Variants in ASIC2 observed in about 807,000 individuals in gnomAD.
The protein encoded by ASIC2 is acid sensing ion channel subunit 2.
ASIC2 carries 25 observed loss-of-function variants against 57.3 expected under a neutral mutation model. The observed-to-expected ratio is 0.44, with a 90% CI of 0.32 to 0.61. The LOEUF (loss-of-function observed/expected upper bound fraction) is 0.61. ASIC2 is among the 20% of genes least tolerant of loss of function. The probability of loss-of-function intolerance (pLI) is 0.06; values close to 1 mark genes in which losing one functional copy is unlikely to be tolerated. For synonymous variants in ASIC2, 319 were observed against 307.5 expected (o/e 1.04, Z -0.39); for missense variants, 641 against 738.1 (o/e 0.87, Z 1.52).
At chr17:33,025,887 C>G (rs182391781) in intron 5 of ASIC2, 39 bp downstream of exon 5, 7 of 1,556,382 alleles carry the variant, frequency 4.5e-6, no homozygotes, top group Middle Eastern at 1.7e-4. Context: ...GTCTCAGGCC[C>G]CCGGCCCCCA....
rs567906997 is a variant in ASIC2 at position 33,911,906 on chromosome 17, C to T, written c.555+244072G>A. ...CTGTAATCCCAGCAGTTTGGGAGGCCGAGGTGGGCAGATCACCTGAGGTCG... is the reference window on the plus strand; with the variant it reads ...CTGTAATCCCAGCAGTTTGGGAGGCTGAGGTGGGCAGATCACCTGAGGTCG... On this transcript the variant is annotated intron_variant, in intron 1 of 9. Transcript: ENST00000359872. Among the ~76,000 whole-genome samples the T allele has an allele frequency of 1.1e-4, 17 of 152,028 alleles. No homozygotes were observed. The East Asian group carries it at 2.5e-3, about 22-fold the overall frequency.
At chr17:33,942,171 G>A (rs975973749) in intron 1 of ASIC2, among the ~76,000 whole-genome samples, 3 of 152,134 alleles carry the variant, frequency 2.0e-5, no homozygotes, top group South Asian at 2.1e-4. Context: ...CCAAAGTTGC[G>A]AGGAGTAACT....
intron 1 of ASIC2, among the ~76,000 whole-genome samples, chr17:33,193,384 G>T (rs1906501916): frequency 6.6e-6 from 1 of 152,180 alleles, no homozygotes; most frequent in Non-Finnish European, 1.5e-5. Flanking sequence ...CTGCCATCAG[G>T]CTGCCTGGGT....
chr17:33,777,225 C>T (rs1033806744), intron 1 of ASIC2, among the ~76,000 whole-genome samples: 2 of 152,218 alleles, frequency 1.3e-5, no homozygotes, highest in African/African-American at 4.8e-5. Context: ...CACTTCTGCC[C>T]CTCTGGGCTT....
intron 1 of ASIC2, among the ~76,000 whole-genome samples, chr17:33,403,544 G>A (rs1392212168): frequency 6.6e-6 from 1 of 152,170 alleles, no homozygotes; most frequent in East Asian, 1.9e-4. Context: ...ATTAAAATGT[G>A]TTTAAAAGTA....
chr17:33,750,785 C>T (rs1303154187), intron 1 of ASIC2, among the ~76,000 whole-genome samples: 2 of 152,066 alleles, frequency 1.3e-5, no homozygotes, highest in Non-Finnish European at 2.9e-5. Context: ...GAGAAAGCTT[C>T]CTGTATGTTT....
At chr17:33,681,369 C>A (rs1109601) in intron 1 of ASIC2, among the ~76,000 whole-genome samples, 13,610 of 152,208 alleles carry the variant, frequency 0.089, 829 homozygotes, top group East Asian at 0.15. Context: ...CTCATTAATA[C>A]CAGTTGCACC....
In ASIC2 at chr17:33,839,452, T is replaced by A. The variant is rs567963716; in HGVS notation, c.555+316526A>T. 9.2e-5 allele frequency among the ~76,000 whole-genome samples: 14 copies of A among 152,336 alleles called. No homozygotes were observed. In the South Asian group the frequency reaches 2.9e-3, roughly 32 times the overall value. Reference sequence around the variant, plus strand: ...CAAGCAAAACTAATTGATCACCCATTGTGGCAGTCATTTATTTATTGTCTC... The same window carrying A: ...CAAGCAAAACTAATTGATCACCCATAGTGGCAGTCATTTATTTATTGTCTC... On this transcript the variant is annotated intron_variant, in intron 1 of 9. Coordinates refer to the ASIC2 transcript ENST00000359872.
At chr17:33,168,178 A>C (rs1385381567) in intron 1 of ASIC2, among the ~76,000 whole-genome samples, 1 of 152,188 alleles carries the variant, frequency 6.6e-6, no homozygotes, top group African/African-American at 2.4e-5. Flanking sequence ...TCTTGGACTT[A>C]CCAGCCTCAG....
intron 1 of ASIC2, among the ~76,000 whole-genome samples, chr17:33,837,792 A>G (rs1006297979): frequency 9.2e-5 from 14 of 152,134 alleles, no homozygotes; most frequent in Admixed American, 7.9e-4. Context: ...CCTCCTCCAT[A>G]TTATGGCCTC....
At chr17:34,151,105 GAAAAA>G (rs56803983) in intron 1 of ASIC2, among the ~76,000 whole-genome samples, 12 of 125,286 alleles carry the variant, frequency 9.6e-5, no homozygotes, top group African/African-American at 2.8e-4. Flanking sequence ...TCCATCTCAA[GAAAAA>G]AAAAAAAAAA....
intron 1 of ASIC2, among the ~76,000 whole-genome samples, chr17:34,033,365 G>A (rs1165579069): frequency 6.6e-6 from 1 of 151,976 alleles, no homozygotes; most frequent in African/African-American, 2.4e-5. Context: ...ATTCAAAGCA[G>A]TGTGTAGAGG....
chr17:33,891,195 T>A (rs1387427978), intron 1 of ASIC2, among the ~76,000 whole-genome samples: 1 of 152,152 alleles, frequency 6.6e-6, no homozygotes, highest in Non-Finnish European at 1.5e-5. Context: ...ACATGATATA[T>A]CACCCGGCAT....
chr17:34,094,589 T>A (rs1046728808), intron 1 of ASIC2, among the ~76,000 whole-genome samples: 3 of 152,204 alleles, frequency 2.0e-5, no homozygotes, highest in Non-Finnish European at 4.4e-5. Context: ...GGTGTTCAGT[T>A]GGGTTCCACA....
At chr17:33,538,312 TGAG>T (rs1294787995) in intron 1 of ASIC2, among the ~76,000 whole-genome samples, 4 of 152,106 alleles carry the variant, frequency 2.6e-5, no homozygotes, top group African/African-American at 9.7e-5. Context: ...GGATGGCTAA[TGAG>T]AAGAGGTTAG....
At chr17:33,349,590 C>T (rs1053714733) in intron 1 of ASIC2, among the ~76,000 whole-genome samples, 12 of 152,170 alleles carry the variant, frequency 7.9e-5, no homozygotes, top group Admixed American at 3.3e-4. Flanking sequence ...CACCCAAAGC[C>T]GAATCTATCC....
At chr17:33,862,615 T>C (rs1434427303) in intron 1 of ASIC2, among the ~76,000 whole-genome samples, 1 of 152,190 alleles carries the variant, frequency 6.6e-6, no homozygotes, top group Non-Finnish European at 1.5e-5. Flanking sequence ...AACTCACATC[T>C]ACTTATGTGT....
intron 1 of ASIC2, among the ~76,000 whole-genome samples, chr17:33,864,549 G>A (rs1048686751): frequency 2.6e-4 from 40 of 152,276 alleles, no homozygotes; most frequent in African/African-American, 9.4e-4. Flanking sequence ...GTGATGTCAG[G>A]TATTAAAGAA....
chr17:33,287,284 G>A (rs1468495482), intron 1 of ASIC2, among the ~76,000 whole-genome samples: 1 of 152,210 alleles, frequency 6.6e-6, no homozygotes, highest in African/African-American at 2.4e-5. Context: ...GACCCACGCT[G>A]AGGTCTGCCT....
Sources: gnomAD v4.1 joint callset for allele counts (sites outside exome capture counted in the v4.1 genomes callset) on GRCh38, gnomAD v4.1.1 for gene constraint, MANE v1.5 for transcripts, NCBI Gene and HGNC (gene_info 2026-07-23, HGNC 2026-07-21) for gene names.